Variants in TP53INP2 observed in about 807,000 individuals in gnomAD.
The protein encoded by TP53INP2 is tumor protein p53 inducible nuclear protein 2, also known as tumor protein p53-inducible nuclear protein 2.
In TP53INP2, 12 loss-of-function variants were observed where a neutral mutation model predicts 17.1. The ratio of observed to expected loss-of-function variants is 0.70; its 90% CI spans 0.45 to 1.14. The LOEUF (loss-of-function observed/expected upper bound fraction) is 1.14, where lower values mean the gene tolerates loss of function less well. TP53INP2 is among the 50% of genes most tolerant of loss of function. The probability of loss-of-function intolerance (pLI) is 0.00; values close to 1 mark genes in which losing one functional copy is unlikely to be tolerated. For synonymous variants in TP53INP2, 145 were observed against 147.3 expected, an observed-to-expected ratio of 0.98 and a Z score of 0.12; for missense variants, 342 against 330.9, an observed-to-expected ratio of 1.03 and a Z score of -0.26.
rs899266552 is a variant in TP53INP2 at position 34,709,048 on chromosome 20, C to G, written c.124+185C>G. The stretch of plus-strand genomic sequence containing the variant: ...GGCGGCCCAGGAGAGGCCCGCACGT[C>G]AGGTCCCCTAGGGCAGCAGGGCGAG... On this transcript the variant is annotated intron_variant, in intron 3 of 4. Transcript: ENST00000374810. The surrounding 1 kb of genome is among the most constrained non-coding windows in gnomAD (Gnocchi z 5.4). Among the ~76,000 whole-genome samples, 1 of 152,050 alleles carries G rather than the reference C, an allele frequency of 6.6e-6. No homozygotes were observed. The highest frequency in any genetic ancestry group is 2.4e-5 in the African/African-American group (1 of 41,424).
intron 2 of TP53INP2, among the ~76,000 whole-genome samples, chr20:34,708,472 G>T (rs1413437512): frequency 6.6e-6 from 1 of 151,944 alleles, no homozygotes; most frequent in African/African-American, 2.4e-5. Flanking sequence ...GAAAACTAAG[G>T]CACAGATAAG....
Position 34,710,339 on chromosome 20 carries a change from CG to C in TP53INP2, c.*33del. 1 of 1,312,692 alleles carries C rather than the reference CG, an allele frequency of 7.6e-7. No individual in the cohort carries two copies. The highest frequency in any genetic ancestry group is 1.5e-5 in the African/African-American group (1 of 66,504). The allele number at this position is 1,312,692 out of a possible 1,614,324, so 81.3% of individuals were successfully genotyped here. A position where few individuals can be genotyped will look rare whatever the true frequency, so the allele number is the denominator to read the frequency against. ...ACCGGCCGCGCCACGAACCCCTTGC[CG>C]ATCCCGATCCCTGTCGGGCTCCTCC... On this transcript the variant is annotated 3_prime_UTR_variant, in exon 5 of 5. Transcript: ENST00000374810. This position sits in a 1 kb window ranked among gnomAD's most constrained non-coding sequence, Gnocchi z 4.9.
At position 34,710,176 on chromosome 20, in the gene TP53INP2, C is replaced by T. The variant is rs916698376; in HGVS notation, c.532C>T (p.Arg178Trp). Residue 178 changes from arginine to tryptophan, a missense_variant, in exon 5 of 5, where the codon CGG (arginine) becomes TGG (tryptophan). Arg to Trp is a moderately radical substitution (Grantham distance 101). Coordinates refer to ENST00000374810, the MANE Select transcript of TP53INP2 (RefSeq NM_021202.3). The surrounding 1 kb of genome is among the most constrained non-coding windows in gnomAD (Gnocchi z 4.9). ...QVRRLQRARQRAERHALSAKA... is the reference protein window; with the variant it reads ...QVRRLQRARQWAERHALSAKA... Reference sequence around the variant, plus strand: ...GCGGCGGCTGCAGCGGGCCCGGCAGCGGGCAGAGCGCCACGCGCTGAGCGC... The same window carrying T: ...GCGGCGGCTGCAGCGGGCCCGGCAGTGGGCAGAGCGCCACGCGCTGAGCGC... The T allele has an allele frequency of 7.4e-7, 1 of 1,342,696 alleles. No individual in the cohort carries two copies. The highest frequency in any genetic ancestry group is 9.6e-7 in the Non-Finnish European group (1 of 1,038,412). 83.2% of individuals were successfully genotyped at this position (1,342,696 alleles called of 1,614,324 possible).
Position 34,704,505 on chromosome 20 carries a change from G to C in TP53INP2, c.-174G>C, listed in dbSNP as rs1415380631. On this transcript the variant is annotated 5_prime_UTR_variant, in exon 1 of 5. Transcript: ENST00000374810. ...CTCAACGCCGTGCCGCCCCCCTCCC[G>C]CCCCCAGGTGAGTCCCGACCCGGGT... The C allele has an allele frequency of 6.6e-6, 1 of 151,030 alleles. No homozygotes were observed. Among genetic ancestry groups the C allele is most frequent in the African/African-American group, 2.4e-5 (1 of 41,076 alleles). The allele number at this position is 151,030 out of a possible 1,614,324, so 9.4% of individuals were successfully genotyped here.
Position 34,708,691 on chromosome 20 carries a change from GT to G in TP53INP2, c.-44del. ...GCTCTCACGTCCTTCTGATTCCCAGGTTTTTGCACTGCCATAGGGCGCCCCC... is the reference window on the plus strand; with the variant it reads ...GCTCTCACGTCCTTCTGATTCCCAGGTTTTGCACTGCCATAGGGCGCCCCC... On this transcript the variant is annotated splice_region_variant and 5_prime_UTR_variant, in exon 3 of 5. Coordinates refer to ENST00000374810, the MANE Select transcript of TP53INP2 (RefSeq NM_021202.3). 4 of 1,541,630 alleles carry G rather than the reference GT, an allele frequency of 2.6e-6. No individual in the cohort carries two copies. Among genetic ancestry groups the G allele is most frequent in the Non-Finnish European group, 2.6e-6 (3 of 1,146,410 alleles).
At chr20:34,708,402 TATTTA>T (rs1427625511) in intron 2 of TP53INP2, among the ~76,000 whole-genome samples, 4 of 152,234 alleles carry the variant, frequency 2.6e-5, no homozygotes, top group Non-Finnish European at 5.9e-5. Context: ...ATTATTAGCT[TATTTA>T]ATTCTTATAA....
At position 34,708,876 on chromosome 20, in the gene TP53INP2, T is replaced by TCTGTCTCCTGGGC. The variant is rs1329462846; in HGVS notation, c.124+18_124+30dup. The TCTGTCTCCTGGGC allele has an allele frequency of 1.2e-6, 2 of 1,612,026 alleles. No homozygotes were observed. Among genetic ancestry groups the TCTGTCTCCTGGGC allele is most frequent in the African/African-American group, 2.7e-5 (2 of 74,728 alleles). On this transcript the variant is annotated intron_variant, in intron 3 of 4. Transcript: ENST00000374810. ...ATTGACCTGCCGGGTGAGGCCTGGG[T>TCTGTCTCCTGGGC]CTGTCTCCTGGGCCTGTGAAGTCAT...
At position 34,712,588 on chromosome 20, in the gene TP53INP2, TGAA is replaced by T. The variant is rs2146832421; in HGVS notation, c.*2283_*2285del. 6.5e-6 allele frequency: 1 copy of T among 152,782 alleles called. No homozygotes were observed. The highest frequency in any genetic ancestry group is 6.5e-5 in the Admixed American group (1 of 15,306). 9.5% of individuals were successfully genotyped at this position (152,782 alleles called of 1,614,324 possible). On this transcript the variant is annotated 3_prime_UTR_variant, in exon 5 of 5. Coordinates refer to ENST00000374810, the MANE Select transcript of TP53INP2 (RefSeq NM_021202.3). ...CTCAGTCTCCTGCTAGTCTGACTCC[TGAA>T]GCATCAGCCCTTGTCATACTGTATT...
chr20:34,709,303 C>T lies in TP53INP2; in HGVS notation c.192C>T (p.Pro64=). The change falls in exon 4 of 5, where the codon CCC becomes CCT. Residue 64 remains proline (P), a synonymous_variant. Transcript: ENST00000374810. The surrounding 1 kb of genome is among the most constrained non-coding windows in gnomAD (Gnocchi z 5.4). ...CCGCGGGCCGCCCTCCGCCCGCGCC[C>T]TCCTTGATGGACGAGAGCTGGTTTG... is the stretch of plus-strand genomic sequence containing the variant. ...PAPAGRPPPA[P]SLMDESWFVT... is the part of the protein sequence containing the mutation. The T allele has an allele frequency of 6.2e-7, 1 of 1,612,374 alleles. No homozygotes were observed. The highest frequency in any genetic ancestry group is 8.5e-7 in the Non-Finnish European group (1 of 1,179,422).
At position 34,709,306 on chromosome 20, in the gene TP53INP2, C is replaced by T. The variant is rs765603273; in HGVS notation, c.195C>T (p.Ser65=). 2 of 1,612,654 alleles carry T rather than the reference C, an allele frequency of 1.2e-6. No individual in the cohort carries two copies. The highest frequency in any genetic ancestry group is 1.7e-6 in the Non-Finnish European group (2 of 1,179,516). Residue 65 remains serine, a synonymous_variant, in exon 4 of 5, where the codon TCC becomes TCT. Coordinates refer to ENST00000374810, the MANE Select transcript of TP53INP2 (RefSeq NM_021202.3). The surrounding 1 kb of genome is among the most constrained non-coding windows in gnomAD (Gnocchi z 5.4). ...CGGGCCGCCCTCCGCCCGCGCCCTC[C>T]TTGATGGACGAGAGCTGGTTTGTTA... ...APAGRPPPAP[S]LMDESWFVTP...
In TP53INP2 at chr20:34,708,767, T is replaced by G; in HGVS notation, c.28T>G (p.Phe10Val). The G allele has an allele frequency of 6.3e-7, 1 of 1,595,134 alleles. No individual in the cohort carries two copies. Among genetic ancestry groups the G allele is most frequent in the East Asian group, 2.3e-5 (1 of 44,292 alleles). ...GTTCCAGCGCCTCTCCAGCCTCTTC[T>G]TCAGCACCCCCTCGCCCCCCGAAGA... MFQRLSSLF[F>V]STPSPPEDPD... Residue 10 changes from phenylalanine to valine, a missense_variant, in exon 3 of 5, where the codon TTC becomes GTC. Transcript: ENST00000374810.
intron 2 of TP53INP2, among the ~76,000 whole-genome samples, chr20:34,708,149 G>A (rs977414981): frequency 3.3e-5 from 5 of 152,202 alleles, no homozygotes; most frequent in East Asian, 1.9e-4. Context: ...AGTGCAGCTT[G>A]GATGTCCAAT....
Position 34,710,006 on chromosome 20 carries a change from G to GGCC in TP53INP2, c.414-52_414-51insGCC. ...GGGTGGGAGATGGCAGCGCCCTCTA[G>GGCC]ACCCCCCGCCCAGCTTACCCGGCTT... On this transcript the variant is annotated intron_variant, in intron 4 of 4. Coordinates refer to ENST00000374810, the MANE Select transcript of TP53INP2 (RefSeq NM_021202.3). This position sits in a 1 kb window ranked among gnomAD's most constrained non-coding sequence, Gnocchi z 4.9. 1.6e-6 allele frequency: 2 copies of GGCC among 1,244,686 alleles called. No homozygotes were observed. Among genetic ancestry groups the GGCC allele is most frequent in the Non-Finnish European group, 2.0e-6 (2 of 985,418 alleles). The allele number at this position is 1,244,686 out of a possible 1,614,324, so 77.1% of individuals were successfully genotyped here.
rs1165869373 is a variant in TP53INP2, at chr20:34,709,225, G to C, written c.125-11G>C. 1 of 1,544,682 alleles carries C rather than the reference G, an allele frequency of 6.5e-7. No individual in the cohort carries two copies. The highest frequency in any genetic ancestry group is 1.2e-5 in the South Asian group (1 of 83,928). On this transcript the variant is annotated splice_polypyrimidine_tract_variant and intron_variant, in intron 3 of 4. Coordinates refer to ENST00000374810, the MANE Select transcript of TP53INP2 (RefSeq NM_021202.3). This position sits in a 1 kb window ranked among gnomAD's most constrained non-coding sequence, Gnocchi z 5.4. ...CCCTCCTCTGCACGGCTCCCATCCC[G>C]CGCCCCGTAGACAGCTACGCGGCTC...
At position 34,710,033 on chromosome 20, in the gene TP53INP2, A is replaced by G; in HGVS notation, c.414-25A>G. ...CCCCCCGCCCAGCTTACCCGGCTTG[A>G]CCGAGCCTGGCTCTGTCCTCACAGG... On this transcript the variant is annotated intron_variant, in intron 4 of 4. Transcript: ENST00000374810. The surrounding 1 kb of genome is among the most constrained non-coding windows in gnomAD (Gnocchi z 4.9). The G allele has an allele frequency of 7.9e-7, 1 of 1,266,536 alleles. No individual in the cohort carries two copies. Among genetic ancestry groups the G allele is most frequent in the South Asian group, 2.6e-5 (1 of 37,746 alleles). 78.5% of individuals were successfully genotyped at this position (1,266,536 alleles called of 1,614,324 possible).
rs1447894730 is a variant in TP53INP2 at position 34,709,167 on chromosome 20, G to A, written c.125-69G>A. The A allele has an allele frequency of 7.1e-5, 90 of 1,262,418 alleles. No individual in the cohort carries two copies. The highest frequency in any genetic ancestry group is 9.5e-5 in the Non-Finnish European group (90 of 946,986). 78.2% of individuals were successfully genotyped at this position (1,262,418 alleles called of 1,614,324 possible). A position where few individuals can be genotyped will look rare whatever the true frequency, so the allele number is the denominator to read the frequency against. Reference sequence around the variant, plus strand: ...CTCCCCGCCCCCTTGTCCGGTGTGTGTGTGTGTGTGTGTGTGTGCCTCCTC... The same window carrying A: ...CTCCCCGCCCCCTTGTCCGGTGTGTATGTGTGTGTGTGTGTGTGCCTCCTC... On this transcript the variant is annotated intron_variant, in intron 3 of 4. Transcript: ENST00000374810. The surrounding 1 kb of genome is among the most constrained non-coding windows in gnomAD (Gnocchi z 5.4).
rs1221578684 is a variant in TP53INP2 at position 34,712,310 on chromosome 20, G to T, written c.*2003G>T. On this transcript the variant is annotated 3_prime_UTR_variant, in exon 5 of 5. Coordinates refer to ENST00000374810, the MANE Select transcript of TP53INP2 (RefSeq NM_021202.3). ...CTTGCCTACTCCTCACTGCCAGCTGGGACCTAGGCTCAGTCCTGTGTGGTG... is the reference window on the plus strand; with the variant it reads ...CTTGCCTACTCCTCACTGCCAGCTGTGACCTAGGCTCAGTCCTGTGTGGTG... The T allele has an allele frequency of 6.5e-6, 1 of 152,710 alleles. No homozygotes were observed. Among genetic ancestry groups the T allele is most frequent in the African/African-American group, 2.4e-5 (1 of 41,426 alleles). 9.5% of individuals were successfully genotyped at this position (152,710 alleles called of 1,614,324 possible).
rs1034112304 is a variant in TP53INP2, at chr20:34,713,259, G to C, written c.*2952G>C. 6.6e-6 allele frequency: 1 copy of C among 152,598 alleles called. No homozygotes were observed. Among genetic ancestry groups the C allele is most frequent in the Non-Finnish European group, 1.5e-5 (1 of 68,046 alleles). 9.5% of individuals were successfully genotyped at this position (152,598 alleles called of 1,614,324 possible). Reference sequence around the variant, plus strand: ...TTGTGTTGAGACTGGCTGAAATGAGGAGACTTTGACCATGTGACGTGTCAA... The same window carrying C: ...TTGTGTTGAGACTGGCTGAAATGAGCAGACTTTGACCATGTGACGTGTCAA... On this transcript the variant is annotated 3_prime_UTR_variant, in exon 5 of 5. Coordinates refer to ENST00000374810, the MANE Select transcript of TP53INP2 (RefSeq NM_021202.3).
In TP53INP2 at chr20:34,708,783, C is replaced by T. The variant is rs758023882; in HGVS notation, c.44C>T (p.Pro15Leu). Residue 15 changes from proline (P) to leucine (L), a missense_variant, in exon 3 of 5, where the codon CCC becomes CTC. Pro to Leu is a moderately conservative substitution (Grantham distance 98, BLOSUM62 -3). Coordinates refer to ENST00000374810, the MANE Select transcript of TP53INP2 (RefSeq NM_021202.3). ...LSSLFFSTPS[P>L]PEDPDCPRAF... ...AGCCTCTTCTTCAGCACCCCCTCGC[C>T]CCCCGAAGACCCCGACTGCCCCCGC... 5.0e-6 allele frequency: 8 copies of T among 1,607,490 alleles called. No individual in the cohort carries two copies. In the East Asian group the frequency reaches 1.8e-4, roughly 36 times the overall value.
Sources: allele counts gnomAD v4.1 joint callset (sites outside exome capture counted in the v4.1 genomes callset), GRCh38; gene constraint gnomAD v4.1.1; non-coding constraint Gnocchi (gnomAD v3.1); transcripts MANE v1.5; gene names NCBI Gene and HGNC (gene_info 2026-07-23, HGNC 2026-07-21).